Variants in EXOC6B observed in about 807,000 individuals in gnomAD.
EXOC6B encodes the protein exocyst complex component 6B.
A neutral mutation model predicts 113.5 loss-of-function variants in EXOC6B; 54 were observed. The ratio of observed to expected loss-of-function variants is 0.48; its 90% CI spans 0.38 to 0.60. The LOEUF (loss-of-function observed/expected upper bound fraction) is 0.60. Ranked by LOEUF, EXOC6B falls within the 20% of genes least tolerant of loss-of-function variation. The pLI is 0.00. For synonymous variants in EXOC6B, 357 were observed against 339.0 expected (o/e 1.05, Z -0.58); for missense variants, 797 against 977.5 (o/e 0.82, Z 2.46).
At chr2:72,684,927 G>A in intron 6 of EXOC6B, among the ~76,000 whole-genome samples, 1 of 152,044 alleles carries the variant, frequency 6.6e-6, no homozygotes, top group South Asian at 2.1e-4. Flanking sequence ...TTTAGGTTAA[G>A]CATTTGTCAA....
chr2:72,794,668 T>G (rs1385398740), intron 1 of EXOC6B, among the ~76,000 whole-genome samples: 1 of 152,196 alleles, frequency 6.6e-6, no homozygotes, highest in Non-Finnish European at 1.5e-5. Flanking sequence ...ACTCACTCAC[T>G]GTATATACCA....
At chr2:72,471,984 T>A (rs1214029831) in intron 17 of EXOC6B, among the ~76,000 whole-genome samples, 1 of 152,230 alleles carries the variant, frequency 6.6e-6, no homozygotes, top group African/African-American at 2.4e-5. Context: ...GATGACCATA[T>A]GGTTTTTACC....
At chr2:72,224,869 AGT>A (rs1347100280) in intron 20 of EXOC6B, among the ~76,000 whole-genome samples, 1 of 144,122 alleles carries the variant, frequency 6.9e-6, no homozygotes, top group African/African-American at 2.5e-5. Context: ...TGTATACGTA[AGT>A]GTATATATAT....
rs370948121 is a variant in EXOC6B at position 72,328,362 on chromosome 2, GC to G, written c.2196+6584del. On this transcript the variant is annotated intron_variant, in intron 20 of 21. Transcript: ENST00000272427. The stretch of plus-strand genomic sequence containing the variant: ...GAGTTGGCCTTGCCCTAGAGATCTT[GC>G]CAGAAAACTCTATAGCTGTTTCCTA... Among the ~76,000 whole-genome samples the G allele has an allele frequency of 1.2e-4, 18 of 151,688 alleles. No individual in the cohort carries two copies. The East Asian group carries it at 1.9e-3, about 16-fold the overall frequency.
chr2:72,176,208 A>G lies in EXOC6B; in HGVS notation c.*3127T>C, dbSNP rs1440158458. On this transcript the variant is annotated 3_prime_UTR_variant, in exon 22 of 22. Transcript: ENST00000272427. ...ATATATGTGCAACTATCTGTGTAAA[A>G]TAAAAATGCCATTTCCAACACCTTT... 1 of 152,074 alleles carries G rather than the reference A, an allele frequency of 6.6e-6. No individual in the cohort carries two copies. The highest frequency in any genetic ancestry group is 1.5e-5 in the Non-Finnish European group (1 of 68,008). 9.4% of individuals were successfully genotyped at this position (152,074 alleles called of 1,614,324 possible). A position where few individuals can be genotyped will look rare whatever the true frequency, so the allele number is the denominator to read the frequency against.
Position 72,637,547 on chromosome 2 carries a change from G to A in EXOC6B, c.670-61879C>T, listed in dbSNP as rs560355184. Among the ~76,000 whole-genome samples the A allele has an allele frequency of 4.6e-5, 7 of 152,248 alleles. No homozygotes were observed. In the South Asian group the frequency reaches 1.0e-3, roughly 23 times the overall value. On this transcript the variant is annotated intron_variant, in intron 6 of 21. Coordinates refer to ENST00000272427, the MANE Select transcript of EXOC6B (RefSeq NM_015189.3). Reference sequence around the variant, plus strand: ...CTCGCACCTGTAATCCCAGCACTTTGGGAGGCAGAGGTGGGCAGATCACTT... The same window carrying A: ...CTCGCACCTGTAATCCCAGCACTTTAGGAGGCAGAGGTGGGCAGATCACTT...
At chr2:72,404,167 C>A (rs570616711) in intron 18 of EXOC6B, among the ~76,000 whole-genome samples, 1 of 152,118 alleles carries the variant, frequency 6.6e-6, no homozygotes, top group Non-Finnish European at 1.5e-5. Flanking sequence ...GGGGGAGGGG[C>A]GCCCACCATT....
chr2:72,525,259 A>C (rs1701699777), intron 8 of EXOC6B, among the ~76,000 whole-genome samples: 1 of 152,210 alleles, frequency 6.6e-6, no homozygotes, highest in Non-Finnish European at 1.5e-5. Flanking sequence ...TAATTTATTA[A>C]ATATTTTAAC....
intron 17 of EXOC6B, among the ~76,000 whole-genome samples, chr2:72,470,137 G>C (rs1391863016): frequency 6.6e-6 from 1 of 152,072 alleles, no homozygotes; most frequent in African/African-American, 2.4e-5. Context: ...TACTTCGTTA[G>C]GGATTGCATT....
chr2:72,347,981 C>T (rs1689430881), intron 19 of EXOC6B, among the ~76,000 whole-genome samples: 1 of 152,162 alleles, frequency 6.6e-6, no homozygotes, highest in East Asian at 1.9e-4. Flanking sequence ...TACACTATGG[C>T]TTCTTGTGTT....
intron 1 of EXOC6B, among the ~76,000 whole-genome samples, chr2:72,768,059 GTGAGT>G (rs201202625): frequency 0.014 from 2,132 of 147,604 alleles, 19 homozygotes; most frequent in Non-Finnish European, 0.022. Flanking sequence ...AGAGGTTACA[GTGAGT>G]TGAGATCATG....
At chr2:72,577,692 GAA>G (rs1241701735) in intron 6 of EXOC6B, among the ~76,000 whole-genome samples, 2 of 151,470 alleles carry the variant, frequency 1.3e-5, no homozygotes, top group Non-Finnish European at 3.0e-5. Context: ...ATATTAAAAT[GAA>G]AATGTGACAT....
intron 17 of EXOC6B, among the ~76,000 whole-genome samples, chr2:72,476,477 C>A (rs1286206854): frequency 1.3e-5 from 2 of 152,118 alleles, no homozygotes; most frequent in African/African-American, 2.4e-5. Context: ...TCTTTCATAT[C>A]TTTTCCTTAT....
At chr2:72,605,150 G>A (rs2104029722) in intron 6 of EXOC6B, among the ~76,000 whole-genome samples, 1 of 152,054 alleles carries the variant, frequency 6.6e-6, no homozygotes, top group South Asian at 2.1e-4. Context: ...GGGTGTGATG[G>A]CGGGTGCTTG....
At position 72,718,171 on chromosome 2, in the gene EXOC6B, C is replaced by T. The variant is rs202209666; in HGVS notation, c.601G>A (p.Asp201Asn). The T allele has an allele frequency of 1.2e-5, 19 of 1,613,728 alleles. No homozygotes were observed. Among genetic ancestry groups the T allele is most frequent in the East Asian group, 2.2e-5 (1 of 44,866 alleles). ...ATGCTCTCCAGAAAGTCTTTGAGATCGGACATAGAAACATCTTTTATTTCT... is the reference window on the plus strand; with the variant it reads ...ATGCTCTCCAGAAAGTCTTTGAGATTGGACATAGAAACATCTTTTATTTCT... ...REEIKDVSMS[D>N]LKDFLESIRK... The change falls in exon 6 of 22, where the codon GAT becomes AAT. Residue 201 changes from aspartate to asparagine, a missense_variant. Asp to Asn is a conservative substitution (Grantham distance 23, BLOSUM62 1). Transcript: ENST00000272427.
intron 6 of EXOC6B, among the ~76,000 whole-genome samples, chr2:72,668,024 A>T (rs965795966): frequency 6.6e-6 from 1 of 152,144 alleles, no homozygotes; most frequent in Non-Finnish European, 1.5e-5. Flanking sequence ...ACAACCAAAA[A>T]ACCAATAACC....
chr2:72,435,372 GTATATTC>G (rs556956254), intron 18 of EXOC6B, among the ~76,000 whole-genome samples: 112 of 152,302 alleles, frequency 7.4e-4, no homozygotes, highest in African/African-American at 2.5e-3. Flanking sequence ...TGAGAAGAGT[GTATATTC>G]TGTTGATTTG....
intron 6 of EXOC6B, among the ~76,000 whole-genome samples, chr2:72,715,137 G>A (rs900413664): frequency 3.3e-5 from 5 of 152,080 alleles, no homozygotes; most frequent in Non-Finnish European, 5.9e-5. Flanking sequence ...TGAGGCAGGA[G>A]AATCACTTGA....
At chr2:72,299,728 A>T (rs1366183147) in intron 20 of EXOC6B, among the ~76,000 whole-genome samples, 1 of 151,598 alleles carries the variant, frequency 6.6e-6, no homozygotes, top group Non-Finnish European at 1.5e-5. Flanking sequence ...CTCTGAGTGG[A>T]TGTCCTTTTT....
Sources: allele counts gnomAD v4.1 joint callset (sites outside exome capture counted in the v4.1 genomes callset), GRCh38; gene constraint gnomAD v4.1.1; transcripts MANE v1.5; gene names NCBI Gene and HGNC (gene_info 2026-07-23, HGNC 2026-07-21).